Variants in DLG2 observed in about 807,000 individuals in gnomAD.
DLG2 encodes the protein disks large homolog 2.
Under a neutral mutation model 132.5 loss-of-function variants are expected in DLG2, and 45 were observed. The ratio of observed to expected loss-of-function variants is 0.34; its 90% CI spans 0.27 to 0.44. The LOEUF is 0.44. Ranked by LOEUF, DLG2 falls within the 20% of genes least tolerant of loss-of-function variation. The probability of loss-of-function intolerance (pLI) is 1.00; values close to 1 mark genes in which losing one functional copy is unlikely to be tolerated. For missense variants in DLG2, 1,045 were observed against 1,196.9 expected (o/e 0.87, Z 1.87); for synonymous variants, 424 against 419.6 (o/e 1.01, Z -0.13).
intron 7 of DLG2, among the ~76,000 whole-genome samples, chr11:84,505,778 T>A (rs192777065): frequency 2.0e-5 from 3 of 152,078 alleles, no homozygotes; most frequent in African/African-American, 7.2e-5. Context: ...CAAGGACATA[T>A]GGGGAACAAG....
intron 19 of DLG2, among the ~76,000 whole-genome samples, chr11:83,577,657 A>G (rs1269111697): frequency 8.0e-6 from 1 of 125,094 alleles, no homozygotes; most frequent in African/African-American, 3.0e-5. Context: ...TATAATATAT[A>G]ATATTATAAA....
chr11:84,277,342 A>G (rs1185022920), intron 7 of DLG2, among the ~76,000 whole-genome samples: 4 of 152,216 alleles, frequency 2.6e-5, no homozygotes, highest in Non-Finnish European at 2.9e-5. Context: ...TCAAATTTTC[A>G]TAAATTTAAA....
intron 14 of DLG2, among the ~76,000 whole-genome samples, chr11:83,938,466 T>C (rs1357366517): frequency 2.0e-5 from 3 of 152,188 alleles, no homozygotes; most frequent in Non-Finnish European, 4.4e-5. Context: ...TGCAAACATG[T>C]TCCATTTAGG....
rs533416599 is a variant in DLG2 at position 83,907,424 on chromosome 11, G to T, written c.1496+22904C>A. On this transcript the variant is annotated intron_variant, in intron 15 of 27. Coordinates refer to ENST00000376104, the MANE Select transcript of DLG2 (RefSeq NM_001142699.3). ...ATACAAGATCATGTGACCTTCCTTTGGTTCACACTGAGTAAATTAGGATGA... is the reference window on the plus strand; with the variant it reads ...ATACAAGATCATGTGACCTTCCTTTTGTTCACACTGAGTAAATTAGGATGA... Among the ~76,000 whole-genome samples the T allele has an allele frequency of 2.2e-3, 330 of 152,202 alleles. 1 individual carries two copies. The highest frequency in any genetic ancestry group is 6.8e-3 in the Middle Eastern group (2 of 294).
intron 8 of DLG2, among the ~76,000 whole-genome samples, chr11:84,180,614 T>C (rs533253072): frequency 3.9e-5 from 6 of 152,226 alleles, no homozygotes; most frequent in South Asian, 2.1e-4. Context: ...AACTGGCATC[T>C]AGGCATACCA....
Position 83,641,020 on chromosome 11 carries a change from C to T in DLG2, c.1826-7695G>A, listed in dbSNP as rs1029035423. Among the ~76,000 whole-genome samples the T allele has an allele frequency of 2.0e-5, 3 of 152,120 alleles. No individual in the cohort carries two copies. In the South Asian group the frequency reaches 6.2e-4, roughly 32 times the overall value. ...TCATTTGTAAAATATAGAAATCATCCCTACCCCCATACATTGTTGTTCTGA... is the reference window on the plus strand; with the variant it reads ...TCATTTGTAAAATATAGAAATCATCTCTACCCCCATACATTGTTGTTCTGA... On this transcript the variant is annotated intron_variant, in intron 18 of 27. Coordinates refer to ENST00000376104, the MANE Select transcript of DLG2 (RefSeq NM_001142699.3).
intron 8 of DLG2, among the ~76,000 whole-genome samples, chr11:84,236,999 G>T (rs1309780703): frequency 4.6e-5 from 7 of 151,218 alleles, no homozygotes; most frequent in Admixed American, 3.3e-4. Flanking sequence ...CATCATCTCG[G>T]CTCACTGCAA....
intron 4 of DLG2, among the ~76,000 whole-genome samples, chr11:85,213,564 G>A (rs2082385666): frequency 6.6e-6 from 1 of 152,136 alleles, no homozygotes; most frequent in South Asian, 2.1e-4. Flanking sequence ...TCCAGATGAA[G>A]CCTACAGGTA....
rs1040285244 is a variant in DLG2 at position 84,214,274 on chromosome 11, CAT to C, written c.573+36962_573+36963del. Among the ~76,000 whole-genome samples, 51 of 128,514 alleles carry C rather than the reference CAT, an allele frequency of 4.0e-4. 1 individual carries two copies. Among genetic ancestry groups the C allele is most frequent in the South Asian group, 4.3e-4 (2 of 4,660 alleles). The allele number at this position is 128,514 out of a possible 152,430, so 84.3% of individuals were successfully genotyped here. A position where few individuals can be genotyped will look rare whatever the true frequency, so the allele number is the denominator to read the frequency against. On this transcript the variant is annotated intron_variant, in intron 8 of 27. Transcript: ENST00000376104. ...ATACATATATATGAATATATATACA[CAT>C]ATATGAATATATATATGAGAGAATA...
At chr11:84,862,035 G>A (rs1307157370) in intron 6 of DLG2, among the ~76,000 whole-genome samples, 1 of 117,898 alleles carries the variant, frequency 8.5e-6, no homozygotes, top group Non-Finnish European at 1.7e-5. Context: ...GGGGACTGTT[G>A]TGGGGTGGGG....
rs566447690 is a variant in DLG2 at position 84,456,075 on chromosome 11, T to C, written c.519+78495A>G. ...TGAGCAGGAGGGCCTTCATGTCGCT[T>C]TGCATGAAAAGCCTGTTGACAATCT... On this transcript the variant is annotated intron_variant, in intron 7 of 27. Coordinates refer to ENST00000376104, the MANE Select transcript of DLG2 (RefSeq NM_001142699.3). Among the ~76,000 whole-genome samples, 73 of 151,440 alleles carry C rather than the reference T, an allele frequency of 4.8e-4. 2 individuals are homozygous for C. In the South Asian group the frequency reaches 0.015, roughly 31 times the overall value.
intron 5 of DLG2, among the ~76,000 whole-genome samples, chr11:85,140,316 A>C (rs2152429070): frequency 6.6e-6 from 1 of 152,052 alleles, no homozygotes; most frequent in South Asian, 2.1e-4. Flanking sequence ...ATCATCACCA[A>C]CATTTGTCAT....
chr11:85,379,894 T>C (rs926419845), intron 3 of DLG2, among the ~76,000 whole-genome samples: 3 of 152,236 alleles, frequency 2.0e-5, no homozygotes, highest in African/African-American at 7.2e-5. Flanking sequence ...ACTAGCTGTT[T>C]CTCTTTTTTT....
At chr11:84,109,897 C>A (rs6592165) in intron 9 of DLG2, among the ~76,000 whole-genome samples, 111,227 of 152,012 alleles carry the variant, frequency 0.73, 42,297 homozygotes, top group Middle Eastern at 0.87. Context: ...TGACTCCTGC[C>A]TCCCCATCGG....
intron 7 of DLG2, among the ~76,000 whole-genome samples, chr11:84,476,340 T>C (rs961590149): frequency 1.3e-5 from 2 of 152,184 alleles, no homozygotes; most frequent in Non-Finnish European, 2.9e-5. Flanking sequence ...AACAAATACT[T>C]ACAAAATAGA....
intron 3 of DLG2, among the ~76,000 whole-genome samples, chr11:85,494,777 G>T (rs933857513): frequency 3.3e-5 from 5 of 151,628 alleles, no homozygotes; most frequent in East Asian, 1.9e-4. Context: ...TATGAAAGAA[G>T]AAATTATGAA....
chr11:84,540,428 A>G (rs1454233443), intron 6 of DLG2, among the ~76,000 whole-genome samples: 1 of 152,206 alleles, frequency 6.6e-6, no homozygotes, highest in East Asian at 1.9e-4. Flanking sequence ...TGCAGCCAAC[A>G]GACACATGAA....
At chr11:84,764,161 A>G (rs2068053891) in intron 6 of DLG2, among the ~76,000 whole-genome samples, 1 of 152,126 alleles carries the variant, frequency 6.6e-6, no homozygotes, top group Admixed American at 6.5e-5. Context: ...TTACACTTGC[A>G]GGAAGAATGC....
At chr11:84,845,174 A>G (rs1368906930) in intron 6 of DLG2, among the ~76,000 whole-genome samples, 1 of 152,168 alleles carries the variant, frequency 6.6e-6, no homozygotes, top group Admixed American at 6.6e-5. Flanking sequence ...TAAAAAGAAC[A>G]GGAAACTTGT....
Sources: allele counts gnomAD v4.1 joint callset (sites outside exome capture counted in the v4.1 genomes callset), GRCh38; gene constraint gnomAD v4.1.1; transcripts MANE v1.5; gene names NCBI Gene and HGNC (gene_info 2026-07-23, HGNC 2026-07-21).